Variants in THSD4 observed in about 807,000 individuals in gnomAD.
THSD4 encodes thrombospondin type 1 domain containing 4, also known as thrombospondin type-1 domain-containing protein 4.
In THSD4, 69 loss-of-function variants were observed where a neutral mutation model predicts 119.0. That is an observed-to-expected ratio of 0.58 (90% confidence interval 0.48 to 0.71). The LOEUF (loss-of-function observed/expected upper bound fraction) is 0.71, where lower values mean the gene tolerates loss of function less well. Ranked by LOEUF, THSD4 falls within the 30% of genes least tolerant of loss-of-function variation. The pLI is 0.00. For missense variants in THSD4, 1,393 were observed against 1,391.1 expected (o/e 1.00, Z -0.02); for synonymous variants, 524 against 540.4 (o/e 0.97, Z 0.42).
intron 8 of THSD4, among the ~76,000 whole-genome samples, chr15:71,700,170 A>G (rs1401920468): frequency 6.6e-6 from 1 of 152,186 alleles, no homozygotes; most frequent in Non-Finnish European, 1.5e-5. Flanking sequence ...TATATATGAC[A>G]TCATTTCTTA....
rs907875068 is a variant in THSD4 at position 71,224,790 on chromosome 15, G to T, written c.464+9391G>T. Among the ~76,000 whole-genome samples, 7 of 152,084 alleles carry T rather than the reference G, an allele frequency of 4.6e-5. No individual in the cohort carries two copies. The South Asian group carries it at 1.5e-3, about 32-fold the overall frequency. Reference sequence around the variant, plus strand: ...TCTCTTGCTTCTGTAATCTCATCTCGTTCTCTGACTCTTATCCTCCTACCT... The same window carrying T: ...TCTCTTGCTTCTGTAATCTCATCTCTTTCTCTGACTCTTATCCTCCTACCT... On this transcript the variant is annotated intron_variant, in intron 4 of 17. Transcript: ENST00000261862.
At chr15:71,407,804 A>T (rs35585401) in intron 6 of THSD4, among the ~76,000 whole-genome samples, 1 of 152,146 alleles carries the variant, frequency 6.6e-6, no homozygotes, top group South Asian at 2.1e-4. Flanking sequence ...CCCAAACTTG[A>T]CCATGTCCTA....
At chr15:71,711,681 T>TAA (rs386383444) in intron 8 of THSD4, among the ~76,000 whole-genome samples, 69 of 151,748 alleles carry the variant, frequency 4.5e-4, no homozygotes, top group African/African-American at 1.5e-3. Context: ...ATGATATATA[T>TAA]AAATAGATTT....
intron 15 of THSD4, among the ~76,000 whole-genome samples, chr15:71,761,878 A>G (rs187034196): frequency 6.6e-6 from 1 of 152,262 alleles, no homozygotes; most frequent in Non-Finnish European, 1.5e-5. Flanking sequence ...CTTCCTTGGC[A>G]CAGTCAGGCC....
chr15:71,689,661 G>T (rs184693873), intron 8 of THSD4, among the ~76,000 whole-genome samples: 1 of 152,232 alleles, frequency 6.6e-6, no homozygotes, highest in African/African-American at 2.4e-5. Flanking sequence ...TGTCACTTGG[G>T]GCAAGACTGC....
At chr15:71,262,594 G>A (rs1466650499) in intron 6 of THSD4, among the ~76,000 whole-genome samples, 2 of 151,894 alleles carry the variant, frequency 1.3e-5, no homozygotes, top group Admixed American at 1.3e-4. Context: ...CTGCTAGGGG[G>A]CAGCTTTATG....
rs747035384 is a variant in THSD4, at chr15:71,345,793, G to GT, written c.1016-65890dup. On this transcript the variant is annotated intron_variant, in intron 6 of 17. Coordinates refer to ENST00000261862, the MANE Select transcript of THSD4 (RefSeq NM_024817.3). ...AATAAGTGAACATAATTCTTTGGGT[G>GT]TTTTGTTTTTTTTTTAATTATTTTA... Among the ~76,000 whole-genome samples the GT allele has an allele frequency of 5.9e-3, 799 of 134,990 alleles. 9 individuals carry two copies. The highest frequency in any genetic ancestry group is 0.014 in the African/African-American group (527 of 38,950). 88.6% of individuals were successfully genotyped at this position (134,990 alleles called of 152,430 possible). A position where few individuals can be genotyped will look rare whatever the true frequency, so the allele number is the denominator to read the frequency against.
At chr15:71,378,740 ATTCT>A (rs2046184636) in intron 6 of THSD4, among the ~76,000 whole-genome samples, 1 of 152,138 alleles carries the variant, frequency 6.6e-6, no homozygotes, top group Non-Finnish European at 1.5e-5. Context: ...AATAAACCTA[ATTCT>A]TTCTTCTAGG....
chr15:71,306,601 C>A (rs1012856284), intron 6 of THSD4, among the ~76,000 whole-genome samples: 1 of 152,166 alleles, frequency 6.6e-6, no homozygotes, highest in Non-Finnish European at 1.5e-5. Context: ...TCCACTAGTT[C>A]AGCAATTTTC....
At chr15:71,316,541 A>AT (rs35809323) in intron 6 of THSD4, among the ~76,000 whole-genome samples, 29,092 of 152,088 alleles carry the variant, frequency 0.19, 2,766 homozygotes, top group South Asian at 0.29. Flanking sequence ...TCTAGGTGTC[A>AT]TTTGGCTCCT....
intron 7 of THSD4, among the ~76,000 whole-genome samples, chr15:71,603,688 G>A (rs2050056088): frequency 6.6e-6 from 1 of 152,290 alleles, no homozygotes. Context: ...TGACAGGTAG[G>A]GTCTTTGGAA....
chr15:71,220,669 A>G (rs2043967912), intron 4 of THSD4, among the ~76,000 whole-genome samples: 1 of 152,174 alleles, frequency 6.6e-6, no homozygotes, highest in South Asian at 2.1e-4. Flanking sequence ...GGCTGGTATT[A>G]GATAGTGTGT....
chr15:71,642,501 G>A (rs7172854), intron 7 of THSD4, among the ~76,000 whole-genome samples: 55,720 of 151,662 alleles, frequency 0.37, 10,996 homozygotes, highest in East Asian at 0.83. Context: ...ACATGCACAC[G>A]TATGTTTATT....
intron 1 of THSD4, among the ~76,000 whole-genome samples, chr15:71,117,828 G>A (rs2040375601): frequency 6.6e-6 from 1 of 152,044 alleles, no homozygotes; most frequent in African/African-American, 2.4e-5. Flanking sequence ...TATGTGCCAG[G>A]GACTGTTACT....
intron 8 of THSD4, among the ~76,000 whole-genome samples, chr15:71,723,046 C>A (rs78507576): frequency 6.7e-6 from 1 of 149,586 alleles, no homozygotes; most frequent in East Asian, 2.0e-4. Flanking sequence ...TCTTAAGCAA[C>A]GTTCTATGGA....
chr15:71,472,915 C>T (rs1210628415), intron 7 of THSD4, among the ~76,000 whole-genome samples: 4 of 152,116 alleles, frequency 2.6e-5, no homozygotes, highest in Non-Finnish European at 5.9e-5. Flanking sequence ...AACTCTGGCA[C>T]GGAGAATACC....
At chr15:71,514,192 G>A (rs1225172333) in intron 7 of THSD4, among the ~76,000 whole-genome samples, 1 of 152,194 alleles carries the variant, frequency 6.6e-6, no homozygotes, top group Non-Finnish European at 1.5e-5. Context: ...CAGCTGGGGA[G>A]CAGAAGGAAG....
chr15:71,153,421 C>T (rs534396228), intron 2 of THSD4, among the ~76,000 whole-genome samples: 1 of 152,334 alleles, frequency 6.6e-6, no homozygotes, highest in Admixed American at 6.5e-5. Flanking sequence ...ATGTTCTCAG[C>T]TCTGGATCCT....
In THSD4 at chr15:71,774,694, T is replaced by G. The variant is rs111335097; in HGVS notation, c.2915-2538T>G. ...CAGGACGCAGAGGCAGGAGGATCAC[T>G]TGAGCCCAGGAACCCGAACTGTGGC... On this transcript the variant is annotated intron_variant, in intron 17 of 17. Transcript: ENST00000261862. 3.6e-3 allele frequency among the ~76,000 whole-genome samples: 549 copies of G among 151,858 alleles called. 5 individuals are homozygous for G. The highest frequency in any genetic ancestry group is 0.013 in the African/African-American group (525 of 41,394).
Sources: gnomAD v4.1 joint callset for allele counts (sites outside exome capture counted in the v4.1 genomes callset) on GRCh38, gnomAD v4.1.1 for gene constraint, MANE v1.5 for transcripts, NCBI Gene and HGNC (gene_info 2026-07-23, HGNC 2026-07-21) for gene names.